SNX14: variants seen among roughly 807,000 people sequenced by gnomAD.
The protein encoded by SNX14 is sorting nexin 14, also known as sorting nexin-14.
SNX14 carries 93 observed loss-of-function variants against 133.8 expected under a neutral mutation model. That is an observed-to-expected ratio of 0.70 (90% confidence interval 0.59 to 0.83). The LOEUF (loss-of-function observed/expected upper bound fraction) is 0.83, where lower values mean the gene tolerates loss of function less well. Ranked by LOEUF, SNX14 falls within the 40% of genes least tolerant of loss-of-function variation. The probability of loss-of-function intolerance (pLI) is 0.00; values close to 1 mark genes in which losing one functional copy is unlikely to be tolerated. For missense variants in SNX14, 945 were observed against 1,094.9 expected (o/e 0.86, Z 1.93); for synonymous variants, 368 against 365.6 (o/e 1.01, Z -0.07).
At chr6:85,593,521 C>A (rs1450585633) in intron 1 of SNX14, 58 bp downstream of exon 1, 29 of 1,552,490 alleles carry the variant, frequency 1.9e-5, no homozygotes, top group Non-Finnish European at 2.5e-5. Context: ...GCAGCACGGG[C>A]CGGGCGTCTG....
In SNX14 at chr6:85,514,108, T is replaced by TAAA. The variant is rs753663971; in HGVS notation, c.2518_2519insTTT (p.Gln840delinsLeuTer). 1 of 1,613,700 alleles carries TAAA rather than the reference T, an allele frequency of 6.2e-7. No individual in the cohort carries two copies. The highest frequency in any genetic ancestry group is 8.5e-7 in the Non-Finnish European group (1 of 1,179,852). On this transcript the variant is annotated stop_gained and protein_altering_variant, in exon 25 of 29. Coordinates refer to ENST00000314673, the MANE Select transcript of SNX14 (RefSeq NM_153816.6). LOFTEE classifies it high-confidence loss of function. ...TATGAGTGAGACCAAACGGTGCTCC[T>TAAA]GAAATAGCTGTTCTAGTTTACACTG...
At chr6:85,542,735 A>G (rs1054769718) in intron 14 of SNX14, among the ~76,000 whole-genome samples, 1 of 151,972 alleles carries the variant, frequency 6.6e-6, no homozygotes, top group Admixed American at 6.6e-5. Context: ...ACATAGCGAA[A>G]AAGAATATTT....
At position 85,543,202 on chromosome 6, in the gene SNX14, T is replaced by C. The variant is rs1166657288; in HGVS notation, c.1369A>G (p.Met457Val). 7 of 1,572,210 alleles carry C rather than the reference T, an allele frequency of 4.5e-6. No individual in the cohort carries two copies. The highest frequency in any genetic ancestry group is 1.4e-5 in the African/African-American group (1 of 72,486). ...LSLLENVFTP[M>V]FCHSDEYFRQ... Reference sequence around the variant, plus strand: ...CTTACCTCATCACTATGGCAGAACATAGGAGTAAATACATTCTCCAAAAGG... The same window carrying C: ...CTTACCTCATCACTATGGCAGAACACAGGAGTAAATACATTCTCCAAAAGG... Residue 457 changes from methionine to valine, a missense_variant, in exon 14 of 29, where the codon ATG (methionine) becomes GTG (valine). Transcript: ENST00000314673.
intron 17 of SNX14, among the ~76,000 whole-genome samples, chr6:85,535,603 TCA>T (rs1781706409): frequency 3.0e-5 from 1 of 33,800 alleles, no homozygotes; most frequent in African/African-American, 2.6e-4. Context: ...AGACTCCGTC[TCA>T]AAAAAAAAAA....
At chr6:85,577,982 G>C (rs1429022529) in intron 1 of SNX14, among the ~76,000 whole-genome samples, 1 of 152,120 alleles carries the variant, frequency 6.6e-6, no homozygotes, top group Non-Finnish European at 1.5e-5. Flanking sequence ...TGAGGAAGTG[G>C]GATTGGTAAA....
chr6:85,578,544 C>G (rs553180897), intron 1 of SNX14, among the ~76,000 whole-genome samples: 1 of 152,114 alleles, frequency 6.6e-6, no homozygotes, highest in Admixed American at 6.5e-5. Context: ...GAATATGAAC[C>G]TAAAAAAAGC....
intron 21 of SNX14, among the ~76,000 whole-genome samples, chr6:85,518,417 G>A (rs1207249713): frequency 6.6e-6 from 1 of 151,996 alleles, no homozygotes; most frequent in African/African-American, 2.4e-5. Flanking sequence ...AATATATAAT[G>A]GTATCTAAAG....
intron 23 of SNX14, among the ~76,000 whole-genome samples, chr6:85,515,528 G>A (rs1774658105): frequency 6.6e-6 from 1 of 152,010 alleles, no homozygotes; most frequent in South Asian, 2.1e-4. Context: ...GAGGGGAGAG[G>A]GAAGAGAAGT....
intron 12 of SNX14, among the ~76,000 whole-genome samples, chr6:85,544,976 A>C (rs1431172026): frequency 6.6e-6 from 1 of 152,194 alleles, no homozygotes; most frequent in African/African-American, 2.4e-5. Context: ...CCTGATGACT[A>C]GTGAAGAAAT....
intron 26 of SNX14, among the ~76,000 whole-genome samples, chr6:85,513,298 C>G (rs1773600215): frequency 6.6e-6 from 1 of 152,230 alleles, no homozygotes; most frequent in African/African-American, 2.4e-5. Flanking sequence ...TGTGATATCT[C>G]TGTAACTTGA....
intron 17 of SNX14, among the ~76,000 whole-genome samples, chr6:85,535,232 C>T (rs1470806435): frequency 6.6e-6 from 1 of 151,620 alleles, no homozygotes; most frequent in Non-Finnish European, 1.5e-5. Flanking sequence ...CCAGGCTGGT[C>T]TTGAACTCCT....
At chr6:85,540,766 T>G (rs1783455584) in intron 15 of SNX14, among the ~76,000 whole-genome samples, 1 of 152,192 alleles carries the variant, frequency 6.6e-6, no homozygotes, top group African/African-American at 2.4e-5. Flanking sequence ...TTTTCCCTTG[T>G]ACTAACTATC....
intron 23 of SNX14, among the ~76,000 whole-genome samples, chr6:85,517,310 A>C (rs1265712160): frequency 1.3e-5 from 2 of 152,248 alleles, no homozygotes; most frequent in Non-Finnish European, 2.9e-5. Context: ...CTTGAGGACA[A>C]GGAATGTATC....
At chr6:85,560,177 A>T (rs1303223958) in intron 6 of SNX14, among the ~76,000 whole-genome samples, 1 of 152,244 alleles carries the variant, frequency 6.6e-6, no homozygotes, top group African/African-American at 2.4e-5. Flanking sequence ...GACAAAAAAA[A>T]ACTTGTATAC....
intron 4 of SNX14, 71 bp from the exon 5 acceptor site, chr6:85,567,648 G>A: frequency 9.9e-7 from 1 of 1,005,150 alleles, no homozygotes; most frequent in Non-Finnish European, 1.4e-6. Flanking sequence ...GTACCATTTG[G>A]GAATATGTAA....
intron 26 of SNX14, among the ~76,000 whole-genome samples, chr6:85,512,208 C>A (rs1773103207): frequency 1.3e-5 from 2 of 152,136 alleles, no homozygotes; most frequent in Admixed American, 1.3e-4. Context: ...AACAGAATGC[C>A]CTGACTGATG....
intron 7 of SNX14, among the ~76,000 whole-genome samples, chr6:85,553,609 C>T (rs1325355299): frequency 6.6e-6 from 1 of 151,966 alleles, no homozygotes; most frequent in Admixed American, 6.6e-5. Flanking sequence ...ACGGTGAAAC[C>T]CCGTCTCTAC....
rs760676586 is a variant in SNX14, at chr6:85,513,910, AAAG to A, written c.2558-18_2558-16del. 29 of 1,595,808 alleles carry A rather than the reference AAAG, an allele frequency of 1.8e-5. No individual in the cohort carries two copies. Among genetic ancestry groups the A allele is most frequent in the Non-Finnish European group, 1.7e-6 (2 of 1,172,272 alleles). ...GAATATAGCATCTAAAAAAGAGTAA[AAAG>A]AAATATTTCTGGAATTTTCATCTAT... is the stretch of plus-strand genomic sequence containing the variant. On this transcript the variant is annotated splice_polypyrimidine_tract_variant and intron_variant, in intron 25 of 28. Transcript: ENST00000314673.
At chr6:85,543,146 T>C in intron 14 of SNX14, 36 bp downstream of exon 14, 2 of 1,479,980 alleles carry the variant, frequency 1.4e-6, no homozygotes, top group South Asian at 1.4e-5. Flanking sequence ...AAATTATGTA[T>C]AAAAATCCTC....
Sources: gnomAD v4.1 joint callset for allele counts (sites outside exome capture counted in the v4.1 genomes callset) on GRCh38, gnomAD v4.1.1 for gene constraint, MANE v1.5 for transcripts, NCBI Gene and HGNC (gene_info 2026-07-23, HGNC 2026-07-21) for gene names.